Variants in VSTM2L observed in about 807,000 individuals in gnomAD.
The protein encoded by VSTM2L is V-set and transmembrane domain-containing protein 2-like protein.
In VSTM2L, 9 loss-of-function variants were observed where a neutral mutation model predicts 19.9. The ratio of observed to expected loss-of-function variants is 0.45; its 90% CI spans 0.27 to 0.79. VSTM2L has a LOEUF of 0.79. VSTM2L is among the 30% of genes least tolerant of loss of function. The pLI is 0.15. For missense variants in VSTM2L, 286 were observed against 295.5 expected (o/e 0.97, Z 0.24); for synonymous variants, 127 against 133.8 (o/e 0.95, Z 0.35).
At chr20:37,929,930 G>C (rs2072899188) in intron 1 of VSTM2L, among the ~76,000 whole-genome samples, 2 of 152,150 alleles carry the variant, frequency 1.3e-5, no homozygotes, top group South Asian at 4.1e-4. Flanking sequence ...ACTTAGTGGG[G>C]ATAAGAAGGG....
intron 1 of VSTM2L, among the ~76,000 whole-genome samples, chr20:37,917,591 G>C (rs1600564333): frequency 6.6e-6 from 1 of 152,246 alleles, no homozygotes; most frequent in South Asian, 2.1e-4. Context: ...AGAGCTCAGA[G>C]TAGTGAAGCA....
At chr20:37,917,165 T>G (rs781604850) in intron 1 of VSTM2L, among the ~76,000 whole-genome samples, 1 of 151,900 alleles carries the variant, frequency 6.6e-6, no homozygotes, top group Non-Finnish European at 1.5e-5. Flanking sequence ...TACAAAAAAA[T>G]TAGTCAGGCG....
chr20:37,914,318 ATG>A (rs1051798205), intron 1 of VSTM2L, among the ~76,000 whole-genome samples: 2 of 12,946 alleles, frequency 1.5e-4, no homozygotes, highest in African/African-American at 2.7e-4. Context: ...ATCTGTGTGT[ATG>A]TGTGTGGGGT....
intron 1 of VSTM2L, among the ~76,000 whole-genome samples, chr20:37,917,410 C>A (rs572490925): frequency 8.1e-4 from 124 of 152,324 alleles, no homozygotes; most frequent in Admixed American, 7.1e-3. Flanking sequence ...CAGGCAAGGA[C>A]CCACCTGGGT....
At chr20:37,942,996 G>A (rs1402636457) in intron 3 of VSTM2L, among the ~76,000 whole-genome samples, 2 of 151,902 alleles carry the variant, frequency 1.3e-5, no homozygotes, top group African/African-American at 4.8e-5. Flanking sequence ...ACGGAGTCTC[G>A]CGCTGTCGCC....
intron 1 of VSTM2L, among the ~76,000 whole-genome samples, chr20:37,910,065 C>A (rs539273531): frequency 5.0e-4 from 76 of 152,324 alleles, no homozygotes; most frequent in African/African-American, 1.8e-3. Flanking sequence ...TCAAAACCCC[C>A]CAGGGCCCGC....
intron 1 of VSTM2L, among the ~76,000 whole-genome samples, chr20:37,919,253 G>T (rs770866593): frequency 2.6e-5 from 4 of 152,220 alleles, no homozygotes; most frequent in Non-Finnish European, 2.9e-5. Context: ...CCTTCTTCTT[G>T]GCTTCTTAGG....
chr20:37,928,547 G>A (rs2072891260), intron 1 of VSTM2L, among the ~76,000 whole-genome samples: 1 of 152,204 alleles, frequency 6.6e-6, no homozygotes, highest in South Asian at 2.1e-4. Flanking sequence ...TTAAGCCCAG[G>A]AGTTCAAGTC....
chr20:37,923,759 G>A (rs1056933300), intron 1 of VSTM2L, among the ~76,000 whole-genome samples: 9 of 152,136 alleles, frequency 5.9e-5, no homozygotes, highest in Non-Finnish European at 1.2e-4. Context: ...ATGGGTAGGG[G>A]GCCGGGTTAC....
At chr20:37,923,113 T>C (rs1225338176) in intron 1 of VSTM2L, among the ~76,000 whole-genome samples, 2 of 152,184 alleles carry the variant, frequency 1.3e-5, no homozygotes, top group Admixed American at 6.5e-5. Context: ...TCTCCCCTTT[T>C]TCCAGATAAA....
At chr20:37,938,128 G>A (rs1275743628) in intron 3 of VSTM2L, among the ~76,000 whole-genome samples, 4 of 152,044 alleles carry the variant, frequency 2.6e-5, no homozygotes, top group Admixed American at 2.6e-4. Flanking sequence ...GCCTGGGTGG[G>A]AGAAGCCCTG....
intron 3 of VSTM2L, among the ~76,000 whole-genome samples, chr20:37,940,289 C>G (rs34677186): frequency 6.6e-6 from 1 of 152,206 alleles, no homozygotes. Flanking sequence ...GGGCCTGGCA[C>G]TAGGGAGGGG....
chr20:37,932,423 T>C (rs1387156048), intron 2 of VSTM2L, among the ~76,000 whole-genome samples: 1 of 152,018 alleles, frequency 6.6e-6, no homozygotes, highest in Non-Finnish European at 1.5e-5. Context: ...GGGTTTTCTC[T>C]GGACACAAGA....
intron 1 of VSTM2L, among the ~76,000 whole-genome samples, chr20:37,923,711 C>T (rs1288473202): frequency 6.6e-6 from 1 of 152,132 alleles, no homozygotes; most frequent in Non-Finnish European, 1.5e-5. Context: ...GTGATGCTCA[C>T]ATGGGGATTA....
chr20:37,913,494 T>C (rs913720669), intron 1 of VSTM2L, among the ~76,000 whole-genome samples: 2 of 152,148 alleles, frequency 1.3e-5, no homozygotes, highest in African/African-American at 2.4e-5. Context: ...CTTCATTCAC[T>C]TTTCCTAAGT....
intron 1 of VSTM2L, among the ~76,000 whole-genome samples, chr20:37,930,080 C>T (rs895912346): frequency 5.3e-5 from 8 of 152,192 alleles, no homozygotes; most frequent in South Asian, 2.1e-4. Context: ...CCTCAGCAAG[C>T]GGGGAGCCTC....
At chr20:37,910,396 C>T (rs922915047) in intron 1 of VSTM2L, among the ~76,000 whole-genome samples, 46 of 152,250 alleles carry the variant, frequency 3.0e-4, no homozygotes, top group African/African-American at 1.1e-3. Flanking sequence ...GCTCCATACT[C>T]TTCATACTGG....
At chr20:37,934,159 T>C (rs1424916017) in intron 3 of VSTM2L, among the ~76,000 whole-genome samples, 1 of 152,026 alleles carries the variant, frequency 6.6e-6, no homozygotes, top group Admixed American at 6.6e-5. Flanking sequence ...ACGCCAAGGG[T>C]GACTGGTGTT....
intron 1 of VSTM2L, among the ~76,000 whole-genome samples, chr20:37,930,077 A>C (rs1057125094): frequency 1.3e-5 from 2 of 152,240 alleles, no homozygotes; most frequent in African/African-American, 4.8e-5. Context: ...AAGCCTCAGC[A>C]AGCGGGGAGC....
Sources: allele counts gnomAD v4.1 joint callset (sites outside exome capture counted in the v4.1 genomes callset), GRCh38; gene constraint gnomAD v4.1.1; transcripts MANE v1.5; gene names NCBI Gene and HGNC (gene_info 2026-07-23, HGNC 2026-07-21).